Variants in JAK2 observed in about 807,000 individuals in gnomAD.
JAK2 encodes the protein Janus kinase 2, also known as tyrosine-protein kinase JAK2.
A neutral mutation model predicts 139.3 loss-of-function variants in JAK2; 86 were observed. The observed-to-expected ratio is 0.62, with a 90% CI of 0.52 to 0.74. The LOEUF is 0.74. Among genes scored for constraint, JAK2 ranks in the 30% least tolerant of loss-of-function variants. The probability of loss-of-function intolerance (pLI) is 0.00; values close to 1 mark genes in which losing one functional copy is unlikely to be tolerated. For missense variants in JAK2, 1,421 were observed against 1,360.3 expected, an observed-to-expected ratio of 1.04 and a Z score of -0.70; for synonymous variants, 490 against 437.7, an observed-to-expected ratio of 1.12 and a Z score of -1.49.
At chr9:5,031,407 A>C (rs1823137715) in intron 4 of JAK2, among the ~76,000 whole-genome samples, 1 of 152,244 alleles carries the variant, frequency 6.6e-6, no homozygotes, top group South Asian at 2.1e-4. Flanking sequence ...ATATCTTGAA[A>C]GTACTCCTTC....
At chr9:5,041,130 T>G in intron 4 of JAK2, 2 of 965,696 alleles carry the variant, frequency 2.1e-6, no homozygotes, top group Non-Finnish European at 3.2e-6. Context: ...ACGGTGCTCC[T>G]GATCGCCATC....
chr9:5,044,179 T>C (rs140815956), intron 4 of JAK2, among the ~76,000 whole-genome samples: 23 of 152,350 alleles, frequency 1.5e-4, no homozygotes, highest in African/African-American at 5.3e-4. Flanking sequence ...TTTTGTGCAC[T>C]GAAGGAGGTA....
chr9:5,044,571 C>A, intron 5 of JAK2, 51 bp downstream of exon 5: 1 of 1,151,420 alleles, frequency 8.7e-7, no homozygotes, highest in Non-Finnish European at 1.3e-6. Flanking sequence ...AAATATCTTG[C>A]TGTTTAATAA....
intron 22 of JAK2, chr9:5,112,058 T>A (rs551706245): frequency 5.0e-6 from 2 of 399,168 alleles, no homozygotes; most frequent in South Asian, 3.7e-5. Context: ...ACGACGGGGG[T>A]CTCCACGGCC....
At chr9:5,079,740 A>C (rs2130601105) in intron 16 of JAK2, among the ~76,000 whole-genome samples, 1 of 152,212 alleles carries the variant, frequency 6.6e-6, no homozygotes, top group East Asian at 1.9e-4. Context: ...GGATCACTTA[A>C]GCCCAAGAGG....
intron 8 of JAK2, among the ~76,000 whole-genome samples, chr9:5,060,831 T>G (rs989282414): frequency 2.0e-5 from 3 of 152,240 alleles, no homozygotes; most frequent in African/African-American, 7.2e-5. Flanking sequence ...CTCCATCAGA[T>G]GAATCACTAT....
intron 2 of JAK2, among the ~76,000 whole-genome samples, chr9:4,996,928 C>CTTTTTTTT (rs1166992356): frequency 1.1e-5 from 1 of 94,706 alleles, no homozygotes; most frequent in Non-Finnish European, 2.0e-5. Flanking sequence ...TTAGTTTGTT[C>CTTTTTTTT]TTTTTTTTTT....
intron 22 of JAK2, among the ~76,000 whole-genome samples, chr9:5,106,539 C>G (rs937615838): frequency 2.0e-5 from 3 of 152,116 alleles, no homozygotes; most frequent in African/African-American, 4.8e-5. Flanking sequence ...ACCCAGCCAT[C>G]CCATTACTGG....
intron 3 of JAK2, 63 bp from the exon 4 acceptor site, chr9:5,029,720 G>A: frequency 7.3e-7 from 1 of 1,371,948 alleles, no homozygotes; most frequent in South Asian, 1.5e-5. Context: ...TCAAATTATA[G>A]GTGCTATGTA....
chr9:5,102,201 C>T (rs1396198082), intron 22 of JAK2, among the ~76,000 whole-genome samples: 1 of 152,084 alleles, frequency 6.6e-6, no homozygotes. Context: ...CTTAAATGAC[C>T]TGATGGAGCT....
intron 4 of JAK2, among the ~76,000 whole-genome samples, chr9:5,034,021 G>T (rs570794083): frequency 2.0e-5 from 3 of 152,078 alleles, no homozygotes; most frequent in Non-Finnish European, 4.4e-5. Context: ...ACACACATAG[G>T]CTCAAAATAA....
At chr9:5,115,227 A>C (rs1038858260) in intron 22 of JAK2, among the ~76,000 whole-genome samples, 1 of 152,208 alleles carries the variant, frequency 6.6e-6, no homozygotes, top group Non-Finnish European at 1.5e-5. Flanking sequence ...AGAAAAAAAC[A>C]ACCCCATCAA....
intron 22 of JAK2, chr9:5,114,671 C>T (rs764382401): frequency 4.1e-5 from 18 of 437,396 alleles, no homozygotes; most frequent in East Asian, 6.0e-5. Context: ...AGGGCTCTGG[C>T]GTCTTAGTCT....
intron 14 of JAK2, 77 bp from the exon 15 acceptor site, chr9:5,077,376 G>T: frequency 2.0e-6 from 1 of 501,886 alleles, no homozygotes; most frequent in Non-Finnish European, 3.0e-6. Context: ...TCACATGTAA[G>T]TATAAAGATT....
intron 14 of JAK2, among the ~76,000 whole-genome samples, chr9:5,076,380 G>A (rs371013116): frequency 6.6e-6 from 1 of 152,098 alleles, no homozygotes; most frequent in Non-Finnish European, 1.5e-5. Context: ...TTAAGAAACT[G>A]CCACAGCTAC....
rs146773120 is a variant in JAK2 at position 5,075,207 on chromosome 9, C to A, written c.1864+1422C>A. ...TGCACAGCATAAGTGCAAGGTGAAG[C>A]AGCAAATGCTGATGTGGAAGCTACA... is the stretch of plus-strand genomic sequence containing the variant. On this transcript the variant is annotated intron_variant, in intron 14 of 24. Coordinates refer to ENST00000381652, the MANE Select transcript of JAK2 (RefSeq NM_004972.4). Among the ~76,000 whole-genome samples the A allele has an allele frequency of 6.5e-3, 992 of 152,230 alleles. 6 individuals carry two copies. The highest frequency in any genetic ancestry group is 0.022 in the African/African-American group (912 of 41,552).
At chr9:5,116,635 G>C (rs1823198516) in intron 22 of JAK2, among the ~76,000 whole-genome samples, 2 of 152,244 alleles carry the variant, frequency 1.3e-5, no homozygotes, top group African/African-American at 2.4e-5. Context: ...ATGAATACAA[G>C]CTAATAAATA....
chr9:5,051,441 G>C (rs1461482043), intron 6 of JAK2, among the ~76,000 whole-genome samples: 1 of 152,060 alleles, frequency 6.6e-6, no homozygotes, highest in Non-Finnish European at 1.5e-5. Flanking sequence ...GGGGGAGCCT[G>C]TTAAAATCAA....
intron 22 of JAK2, chr9:5,114,880 C>A: frequency 4.6e-6 from 1 of 219,170 alleles, no homozygotes; most frequent in Non-Finnish European, 9.1e-6. Context: ...ACCTTCTGTC[C>A]ACTGTTGCAA....
Sources: allele counts gnomAD v4.1 joint callset (sites outside exome capture counted in the v4.1 genomes callset), GRCh38; gene constraint gnomAD v4.1.1; transcripts MANE v1.5; gene names NCBI Gene and HGNC (gene_info 2026-07-23, HGNC 2026-07-21).